The following DPP10 variants were observed in gnomAD, a reference collection of about 807,000 sequenced individuals.
DPP10 encodes the protein dipeptidyl peptidase like 10, also known as inactive dipeptidyl peptidase 10.
A neutral mutation model predicts 120.9 loss-of-function variants in DPP10; 33 were observed. The observed-to-expected ratio is 0.27, with a 90% confidence interval of 0.21 to 0.37. The LOEUF (loss-of-function observed/expected upper bound fraction) is 0.37, where lower values mean the gene tolerates loss of function less well. DPP10 is among the 10% of genes least tolerant of loss of function. DPP10 has a pLI of 1.00. For missense variants in DPP10, 816 were observed against 942.8 expected (o/e 0.87, Z 1.76); for synonymous variants, 337 against 326.1 (o/e 1.03, Z -0.36).
intron 7 of DPP10, among the ~76,000 whole-genome samples, chr2:115,691,741 T>G (rs1026143821): frequency 6.6e-6 from 1 of 152,182 alleles, no homozygotes; most frequent in Non-Finnish European, 1.5e-5. Flanking sequence ...TATTTGAATC[T>G]ATATGTCTAT....
chr2:115,752,688 A>G (rs1160647875), intron 10 of DPP10, among the ~76,000 whole-genome samples: 1 of 152,176 alleles, frequency 6.6e-6, no homozygotes, highest in African/African-American at 2.4e-5. Context: ...TAAAGGATAT[A>G]ATTATTAAGC....
chr2:115,378,086 G>T (rs890466995), intron 3 of DPP10, among the ~76,000 whole-genome samples: 1 of 152,116 alleles, frequency 6.6e-6, no homozygotes, highest in Non-Finnish European at 1.5e-5. Context: ...CCAATTCTGT[G>T]AAGAAAGTAA....
chr2:114,580,233 C>G (rs1690387796), intron 1 of DPP10, among the ~76,000 whole-genome samples: 2 of 152,146 alleles, frequency 1.3e-5, no homozygotes, highest in Non-Finnish European at 2.9e-5. Flanking sequence ...GGCATTCGGT[C>G]CTGATAGGGC....
intron 1 of DPP10, among the ~76,000 whole-genome samples, chr2:115,155,065 TTA>T (rs2051814459): frequency 2.1e-5 from 3 of 144,372 alleles, no homozygotes; most frequent in Admixed American, 1.4e-4. Flanking sequence ...CTAATTTTAT[TTA>T]TTTTTTTTTT....
intron 5 of DPP10, among the ~76,000 whole-genome samples, chr2:115,555,217 C>T (rs1214542663): frequency 6.6e-6 from 1 of 152,074 alleles, no homozygotes; most frequent in Non-Finnish European, 1.5e-5. Flanking sequence ...TTTATATGCT[C>T]TTTCCTGGAA....
intron 3 of DPP10, among the ~76,000 whole-genome samples, chr2:115,344,342 C>T (rs1009432619): frequency 2.6e-5 from 4 of 152,004 alleles, no homozygotes; most frequent in African/African-American, 9.7e-5. Flanking sequence ...AGTTACATGA[C>T]TTTAAGGATG....
At chr2:114,610,246 G>A (rs372984472) in intron 1 of DPP10, among the ~76,000 whole-genome samples, 1 of 152,150 alleles carries the variant, frequency 6.6e-6, no homozygotes, top group Non-Finnish European at 1.5e-5. Context: ...ATATTCAAGA[G>A]GTGGGGTTAT....
chr2:114,735,946 A>G (rs1436572107), intron 1 of DPP10, among the ~76,000 whole-genome samples: 1 of 151,996 alleles, frequency 6.6e-6, no homozygotes, highest in African/African-American at 2.4e-5. Context: ...CACTACTACC[A>G]TCTAAGTATA....
At chr2:114,534,234 A>G (rs1440047732) in intron 1 of DPP10, among the ~76,000 whole-genome samples, 1 of 151,808 alleles carries the variant, frequency 6.6e-6, no homozygotes, top group African/African-American at 2.4e-5. Context: ...TCATAGCTTT[A>G]TGTTCCTTTT....
In DPP10 at chr2:114,540,889, A is replaced by C. The variant is rs191074217; in HGVS notation, c.60+98051A>C. Among the ~76,000 whole-genome samples, 3 of 152,318 alleles carry C rather than the reference A, an allele frequency of 2.0e-5. No homozygotes were observed. In the East Asian group the frequency reaches 5.8e-4, roughly 29 times the overall value. On this transcript the variant is annotated intron_variant, in intron 1 of 25. Coordinates refer to ENST00000410059, the MANE Select transcript of DPP10 (RefSeq NM_020868.6). Reference sequence around the variant, plus strand: ...CTCTTCTTAGTCTTACCTTCACTAAAGGCTGTGAACTGCCTTCAGAAATAT... The same window carrying C: ...CTCTTCTTAGTCTTACCTTCACTAACGGCTGTGAACTGCCTTCAGAAATAT...
Position 115,777,274 on chromosome 2 carries a change from G to T in DPP10, c.1288G>T (p.Ala430Ser), listed in dbSNP as rs1192751783. The change falls in exon 14 of 26, where the codon GCA becomes TCA. Residue 430 changes from alanine to serine, a missense_variant. Ala to Ser is a moderately conservative substitution (Grantham distance 99, BLOSUM62 1). This residue lies in a region of DPP10 where 592 missense variants were observed against 649.0 expected (regional missense o/e 0.91). Coordinates refer to ENST00000410059, the MANE Select transcript of DPP10 (RefSeq NM_020868.6). ...SGNWEVIKIL[A>S]YDETTQKIYF... The stretch of plus-strand genomic sequence containing the variant: ...AAACTGGGAAGTGATAAAGATCTTG[G>T]CATACGATGAAACTACTCAAAAAAT... 6.2e-7 allele frequency: 1 copy of T among 1,612,888 alleles called. No individual in the cohort carries two copies. The highest frequency in any genetic ancestry group is 2.2e-5 in the East Asian group (1 of 44,858).
At chr2:115,515,248 A>G (rs1479940249) in intron 4 of DPP10, among the ~76,000 whole-genome samples, 2 of 152,022 alleles carry the variant, frequency 1.3e-5, no homozygotes, top group Non-Finnish European at 2.9e-5. Flanking sequence ...ATTCCAGTGT[A>G]TTGGTGAGTC....
chr2:115,101,490 G>T (rs1011165627), intron 1 of DPP10, among the ~76,000 whole-genome samples: 1 of 152,088 alleles, frequency 6.6e-6, no homozygotes. Flanking sequence ...ACTGATATAT[G>T]TAATAATATG....
At chr2:115,577,037 A>G (rs1052824603) in intron 5 of DPP10, among the ~76,000 whole-genome samples, 1 of 152,220 alleles carries the variant, frequency 6.6e-6, no homozygotes, top group African/African-American at 2.4e-5. Context: ...ATATGGGAGT[A>G]TTGAAGGAAC....
At chr2:114,668,504 A>G (rs958690181) in intron 1 of DPP10, among the ~76,000 whole-genome samples, 5 of 152,144 alleles carry the variant, frequency 3.3e-5, no homozygotes, top group African/African-American at 4.8e-5. Context: ...TCTGATAGAC[A>G]CAACCAGAAA....
chr2:114,680,341 T>C (rs1698948178), intron 1 of DPP10, among the ~76,000 whole-genome samples: 1 of 152,008 alleles, frequency 6.6e-6, no homozygotes, highest in Admixed American at 6.6e-5. Context: ...ATGTGTTTAT[T>C]ATCAAAACAA....
intron 5 of DPP10, among the ~76,000 whole-genome samples, chr2:115,665,135 C>A (rs1021919113): frequency 2.0e-5 from 3 of 152,116 alleles, no homozygotes; most frequent in African/African-American, 4.8e-5. Flanking sequence ...AGGTCTCATT[C>A]CCATACTGAA....
At chr2:115,142,768 A>C (rs1381205407) in intron 1 of DPP10, among the ~76,000 whole-genome samples, 1 of 152,152 alleles carries the variant, frequency 6.6e-6, no homozygotes, top group African/African-American at 2.4e-5. Flanking sequence ...AGAGACAGCT[A>C]CAGTGCCCTA....
intron 19 of DPP10, among the ~76,000 whole-genome samples, chr2:115,798,937 G>A (rs1039007138): frequency 1.3e-5 from 2 of 151,854 alleles, no homozygotes; most frequent in African/African-American, 4.8e-5. Flanking sequence ...TCCACTATCT[G>A]AGTCCATGTC....
Sources: gnomAD v4.1 joint callset for allele counts (sites outside exome capture counted in the v4.1 genomes callset) on GRCh38, gnomAD v4.1.1 for gene constraint, gnomAD v4.1.1 regional missense constraint, MANE v1.5 for transcripts, NCBI Gene and HGNC (gene_info 2026-07-23, HGNC 2026-07-21) for gene names.